SHISA9: variants seen among roughly 807,000 people sequenced by gnomAD.
SHISA9 encodes protein shisa-9.
In SHISA9, 13 loss-of-function variants were observed where a neutral mutation model predicts 38.0. The ratio of observed to expected loss-of-function variants is 0.34; its 90% CI spans 0.22 to 0.54. SHISA9 has a LOEUF of 0.54. Ranked by LOEUF, SHISA9 falls within the 20% of genes least tolerant of loss-of-function variation. The pLI is 0.91. For missense variants in SHISA9, 538 were observed against 575.8 expected, an observed-to-expected ratio of 0.93 and a Z score of 0.67; for synonymous variants, 275 against 242.0, an observed-to-expected ratio of 1.14 and a Z score of -1.27.
At chr16:13,161,072 A>G (rs1242912857) in intron 2 of SHISA9, among the ~76,000 whole-genome samples, 2 of 152,198 alleles carry the variant, frequency 1.3e-5, no homozygotes, top group African/African-American at 4.8e-5. Flanking sequence ...GTTAGAACCA[A>G]AGACTTATGT....
chr16:13,152,551 C>T (rs963451798), intron 2 of SHISA9, among the ~76,000 whole-genome samples: 2 of 152,158 alleles, frequency 1.3e-5, no homozygotes, highest in African/African-American at 4.8e-5. Context: ...CATATCCTGT[C>T]ACTGAAATGA....
the SHISA9 span, among the ~76,000 whole-genome samples, chr16:13,374,627 T>C: frequency 2.1e-4 from 32 of 152,308 alleles, no homozygotes; most frequent in Admixed American, 1.0e-3. Context: ...AATAAACATA[T>C]GTGTGCATGT....
At chr16:13,154,290 A>G (rs780716272) in intron 2 of SHISA9, among the ~76,000 whole-genome samples, 2 of 152,182 alleles carry the variant, frequency 1.3e-5, no homozygotes, top group Non-Finnish European at 2.9e-5. Context: ...TCTCCTCCCA[A>G]GCACAAGAGA....
At chr16:13,291,196 A>G in the SHISA9 span, among the ~76,000 whole-genome samples, 2 of 152,244 alleles carry the variant, frequency 1.3e-5, no homozygotes, top group East Asian at 1.9e-4. Flanking sequence ...AAGAGAGTGA[A>G]GGCAGACACC....
intron 2 of SHISA9, among the ~76,000 whole-genome samples, chr16:13,023,348 C>G (rs1323246981): frequency 6.6e-6 from 1 of 152,178 alleles, no homozygotes; most frequent in Non-Finnish European, 1.5e-5. Flanking sequence ...AGGACATGAA[C>G]TCATCCTTTT....
chr16:12,982,059 C>T (rs562793090), intron 2 of SHISA9, among the ~76,000 whole-genome samples: 1 of 152,264 alleles, frequency 6.6e-6, no homozygotes, highest in East Asian at 1.9e-4. Context: ...GACTTATGGT[C>T]GTTGAATGCG....
the SHISA9 span, among the ~76,000 whole-genome samples, chr16:13,452,378 T>C: frequency 6.6e-6 from 1 of 152,252 alleles, no homozygotes; most frequent in Non-Finnish European, 1.5e-5. Context: ...CCAGCCATTA[T>C]TTCCAGTGTT....
chr16:13,109,535 G>C (rs932694450), intron 2 of SHISA9, among the ~76,000 whole-genome samples: 1 of 152,108 alleles, frequency 6.6e-6, no homozygotes, highest in Non-Finnish European at 1.5e-5. Flanking sequence ...CTTTATGATG[G>C]TATAATTGAC....
the SHISA9 span, among the ~76,000 whole-genome samples, chr16:13,476,937 G>A: frequency 2.6e-5 from 4 of 151,758 alleles, no homozygotes; most frequent in Non-Finnish European, 4.4e-5. Flanking sequence ...TTTTAGTAGA[G>A]ACGGGGTTTC....
At chr16:13,217,574 G>C (rs1161322094) in intron 4 of SHISA9, among the ~76,000 whole-genome samples, 1 of 152,138 alleles carries the variant, frequency 6.6e-6, no homozygotes, top group Non-Finnish European at 1.5e-5. Context: ...CTCCAATAGA[G>C]GAAATCAGAG....
At chr16:12,993,613 G>C (rs1005462033) in intron 2 of SHISA9, among the ~76,000 whole-genome samples, 1 of 152,144 alleles carries the variant, frequency 6.6e-6, no homozygotes, top group Admixed American at 6.5e-5. Flanking sequence ...GTGACTTGGT[G>C]GTGGGCAAAA....
intron 2 of SHISA9, among the ~76,000 whole-genome samples, chr16:12,949,171 T>C (rs1003075154): frequency 6.6e-6 from 1 of 152,190 alleles, no homozygotes. Flanking sequence ...GGAATTCTTA[T>C]GCAAAGCATG....
At chr16:12,990,857 T>C (rs2072375701) in intron 2 of SHISA9, among the ~76,000 whole-genome samples, 1 of 152,182 alleles carries the variant, frequency 6.6e-6, no homozygotes, top group Non-Finnish European at 1.5e-5. Flanking sequence ...ACCAAACATA[T>C]TTCACCCATA....
chr16:13,062,054 T>G (rs977778318), intron 2 of SHISA9, among the ~76,000 whole-genome samples: 10 of 152,198 alleles, frequency 6.6e-5, no homozygotes, highest in African/African-American at 2.4e-4. Context: ...CTCCGATTAT[T>G]TTTATTAATC....
At chr16:13,243,630 G>A (rs1316160207), downstream of SHISA9, among the ~76,000 whole-genome samples, 1 of 152,020 alleles carries the variant, frequency 6.6e-6, no homozygotes, top group Non-Finnish European at 1.5e-5. Flanking sequence ...GCTCTAAAAT[G>A]TTTCTTATCA....
chr16:13,133,426 GC>G (rs1341885393), intron 2 of SHISA9, among the ~76,000 whole-genome samples: 1 of 152,162 alleles, frequency 6.6e-6, no homozygotes, highest in African/African-American at 2.4e-5. Flanking sequence ...TTGGCTCATT[GC>G]CCAGTGGTGT....
chr16:13,435,514 A>G, the SHISA9 span, among the ~76,000 whole-genome samples: 2 of 152,252 alleles, frequency 1.3e-5, no homozygotes, highest in African/African-American at 4.8e-5. Context: ...CATTCTTTGG[A>G]ATATGACTGG....
intron 2 of SHISA9, among the ~76,000 whole-genome samples, chr16:13,090,875 A>G (rs984799927): frequency 2.0e-5 from 3 of 152,182 alleles, no homozygotes; most frequent in Non-Finnish European, 4.4e-5. Context: ...TAATTGATGC[A>G]GTTTCTTCAT....
At chr16:13,476,746 T>TTTG in the SHISA9 span, among the ~76,000 whole-genome samples, 551 of 111,032 alleles carry the variant, frequency 5.0e-3, 17 homozygotes, top group African/African-American at 0.021. Context: ...GTGTTTTTTT[T>TTTG]TTTTTTTTTT....
Sources: allele counts gnomAD v4.1 joint callset (sites outside exome capture counted in the v4.1 genomes callset), GRCh38; gene constraint gnomAD v4.1.1; transcripts MANE v1.5; gene names NCBI Gene and HGNC (gene_info 2026-07-23, HGNC 2026-07-21).